Variants in ADCYAP1R1 observed in about 807,000 individuals in gnomAD.
ADCYAP1R1 encodes the protein pituitary adenylate cyclase-activating polypeptide type I receptor.
ADCYAP1R1 carries 44 observed loss-of-function variants against 67.6 expected under a neutral mutation model. The observed-to-expected ratio is 0.65, with a 90% CI of 0.51 to 0.84. The LOEUF is 0.84. Ranked by LOEUF, ADCYAP1R1 falls within the 40% of genes least tolerant of loss-of-function variation. The pLI is 0.00. For synonymous variants in ADCYAP1R1, 222 were observed against 219.6 expected, an observed-to-expected ratio of 1.01 and a Z score of -0.10; for missense variants, 477 against 587.9, an observed-to-expected ratio of 0.81 and a Z score of 1.95.
intron 13 of ADCYAP1R1, among the ~76,000 whole-genome samples, chr7:31,097,565 A>T (rs1262936753): frequency 6.6e-6 from 1 of 151,896 alleles, no homozygotes; most frequent in Non-Finnish European, 1.5e-5. Flanking sequence ...GCCCTCCCTG[A>T]CCCCCATCAG....
chr7:31,086,398 C>T lies in ADCYAP1R1; in HGVS notation c.684C>T (p.Ala228=), dbSNP rs746633319. Reference sequence around the variant, plus strand: ...TCTCCCTGCAGGTGGAATGTAAGGCCGTCATGGTTTTCTTCCACTACTGTG... The same window carrying T: ...TCTCCCTGCAGGTGGAATGTAAGGCTGTCATGGTTTTCTTCCACTACTGTG... ...HCFISTVECK[A]VMVFFHYCVV... is the part of the protein sequence containing the mutation. The change falls in exon 10 of 16, where the codon GCC becomes GCT. Residue 228 remains alanine, a synonymous_variant. Transcript: ENST00000304166. The surrounding 1 kb of genome is among the most constrained non-coding windows in gnomAD (Gnocchi z 5.0). 8.7e-6 allele frequency: 14 copies of T among 1,614,084 alleles called. No homozygotes were observed. Among genetic ancestry groups the T allele is most frequent in the Middle Eastern group, 1.7e-4 (1 of 6,014 alleles).
At position 31,077,805 on chromosome 7, in the gene ADCYAP1R1, TGTG is replaced by T. The variant is rs368731400; in HGVS notation, c.158-185_158-183del. Among the ~76,000 whole-genome samples, 393 of 147,672 alleles carry T rather than the reference TGTG, an allele frequency of 2.7e-3. 5 individuals are homozygous for T. The highest frequency in any genetic ancestry group is 9.3e-3 in the African/African-American group (359 of 38,476). On this transcript the variant is annotated intron_variant, in intron 3 of 15. Coordinates refer to ENST00000304166, the MANE Select transcript of ADCYAP1R1 (RefSeq NM_001118.5). ...TGTGTGTGATGTGTGCGGTGTCTGT[TGTG>T]TGGTGTGTGTGTGATGTGTGTTTGT...
At chr7:31,079,303 TTGGGGC>T (rs982018596) in intron 4 of ADCYAP1R1, among the ~76,000 whole-genome samples, 7 of 152,106 alleles carry the variant, frequency 4.6e-5, no homozygotes, top group African/African-American at 1.7e-4. Context: ...AGGCACTGAG[TTGGGGC>T]TGGGCAGGGA....
rs1356477943 is a variant in ADCYAP1R1, at chr7:31,100,468, TCTG to T, written c.1047-2758_1047-2756del. Among the ~76,000 whole-genome samples the T allele has an allele frequency of 4.6e-5, 7 of 152,218 alleles. No homozygotes were observed. The East Asian group carries it at 9.7e-4, about 21-fold the overall frequency. ...CTGAGGAAGCAGCACCCCCATGTTC[TCTG>T]CTGCTGCTGCCTGGTGTGTGGCCTT... On this transcript the variant is annotated intron_variant, in intron 13 of 15. Coordinates refer to ENST00000304166, the MANE Select transcript of ADCYAP1R1 (RefSeq NM_001118.5).
At chr7:31,082,936 A>G (rs1393418054) in intron 6 of ADCYAP1R1, among the ~76,000 whole-genome samples, 5 of 152,262 alleles carry the variant, frequency 3.3e-5, no homozygotes, top group Admixed American at 2.6e-4. Context: ...CGAGGGACAC[A>G]GATTGGAAAA....
At position 31,104,802 on chromosome 7, in the gene ADCYAP1R1, A is replaced by G. The variant is rs377344039; in HGVS notation, c.1177-66A>G. Reference sequence around the variant, plus strand: ...TCTGCTTCCTAGAGTCATCCCCTCCATGCCCCACACAGCATTTCAGAAAGT... The same window carrying G: ...TCTGCTTCCTAGAGTCATCCCCTCCGTGCCCCACACAGCATTTCAGAAAGT... On this transcript the variant is annotated intron_variant, in intron 14 of 15. Transcript: ENST00000304166. 374 of 1,567,650 alleles carry G rather than the reference A, an allele frequency of 2.4e-4. 1 individual carries two copies. The Middle Eastern group carries it at 3.8e-3, about 16-fold the overall frequency.
chr7:31,063,575 A>G (rs1053542343), intron 2 of ADCYAP1R1, among the ~76,000 whole-genome samples: 1 of 152,142 alleles, frequency 6.6e-6, no homozygotes, highest in Non-Finnish European at 1.5e-5. Context: ...ACAGTACACA[A>G]CCTGCTCAAC....
chr7:31,057,285 C>A (rs1046962551), intron 1 of ADCYAP1R1, among the ~76,000 whole-genome samples: 4 of 152,128 alleles, frequency 2.6e-5, no homozygotes, highest in African/African-American at 9.7e-5. Context: ...GGGGTGCACT[C>A]CCTGACTCCT....
At chr7:31,084,905 C>G (rs989553531) in intron 8 of ADCYAP1R1, 71 bp downstream of exon 8, 4 of 1,350,342 alleles carry the variant, frequency 3.0e-6, no homozygotes, top group Non-Finnish European at 2.1e-6. Flanking sequence ...GTGCATCTCT[C>G]CCCTCCCCCC....
At position 31,106,750 on chromosome 7, in the gene ADCYAP1R1, C is replaced by T. The variant is rs1042362517; in HGVS notation, c.*66C>T. ...GGGACCGCAGGCAGGTGCCAGCCCA[C>T]GCATGTTTGCGCCTCTTCCCTCCCC... On this transcript the variant is annotated 3_prime_UTR_variant, in exon 16 of 16. Coordinates refer to ENST00000304166, the MANE Select transcript of ADCYAP1R1 (RefSeq NM_001118.5). The T allele has an allele frequency of 1.9e-5, 28 of 1,476,438 alleles. No individual in the cohort carries two copies. Among genetic ancestry groups the T allele is most frequent in the Middle Eastern group, 2.1e-4 (1 of 4,656 alleles). 91.5% of individuals were successfully genotyped at this position (1,476,438 alleles called of 1,614,324 possible).
chr7:31,103,069 C>T (rs1398927517), intron 13 of ADCYAP1R1, among the ~76,000 whole-genome samples, 168 bp from the exon 14 acceptor site: 1 of 152,174 alleles, frequency 6.6e-6, no homozygotes, highest in African/African-American at 2.4e-5. Flanking sequence ...ATCCCAGAGT[C>T]CTGGCAGCCC....
chr7:31,104,745 G>A (rs765781998), intron 14 of ADCYAP1R1, 123 bp from the exon 15 acceptor site: 8 of 1,092,088 alleles, frequency 7.3e-6, no homozygotes, highest in African/African-American at 1.5e-5. Context: ...CAGATCCCTG[G>A]GCAGGTGCCC....
intron 13 of ADCYAP1R1, among the ~76,000 whole-genome samples, chr7:31,098,308 CTTAT>C (rs1796290547): frequency 6.6e-6 from 1 of 152,188 alleles, no homozygotes; most frequent in African/African-American, 2.4e-5. Flanking sequence ...GAAAAACATA[CTTAT>C]TTGAGTCTGT....
At chr7:31,063,928 A>G (rs1220592403) in intron 2 of ADCYAP1R1, among the ~76,000 whole-genome samples, 1 of 152,210 alleles carries the variant, frequency 6.6e-6, no homozygotes, top group Non-Finnish European at 1.5e-5. Context: ...GTCCCCAAAA[A>G]TGGCCCTTGG....
chr7:31,092,056 G>A (rs1795983166), intron 12 of ADCYAP1R1, among the ~76,000 whole-genome samples: 1 of 149,682 alleles, frequency 6.7e-6, no homozygotes, highest in Admixed American at 6.7e-5. Context: ...AGACATTGAT[G>A]TGTAGTCCTG....
chr7:31,088,972 C>A (rs1451356799), intron 12 of ADCYAP1R1, among the ~76,000 whole-genome samples: 1 of 152,152 alleles, frequency 6.6e-6, no homozygotes, highest in Non-Finnish European at 1.5e-5. Flanking sequence ...AAGATTGAGT[C>A]ATCCTCTCCA....
At chr7:31,084,498 C>T (rs1260035028) in intron 7 of ADCYAP1R1, among the ~76,000 whole-genome samples, 1 of 152,214 alleles carries the variant, frequency 6.6e-6, no homozygotes, top group South Asian at 2.1e-4. Flanking sequence ...GATTGGACAG[C>T]GCTCTTGCCT....
At chr7:31,073,417 C>T (rs1264819954) in intron 3 of ADCYAP1R1, among the ~76,000 whole-genome samples, 1 of 152,152 alleles carries the variant, frequency 6.6e-6, no homozygotes, top group Non-Finnish European at 1.5e-5. Context: ...TGAAATCTTC[C>T]AGTCTCAACA....
chr7:31,075,841 A>G (rs1321277289), intron 3 of ADCYAP1R1, among the ~76,000 whole-genome samples: 1 of 152,080 alleles, frequency 6.6e-6, no homozygotes, highest in Admixed American at 6.6e-5. Context: ...GAGCCTCTTC[A>G]CTGAGTAGGG....
Sources: allele counts gnomAD v4.1 joint callset (sites outside exome capture counted in the v4.1 genomes callset), GRCh38; gene constraint gnomAD v4.1.1; non-coding constraint Gnocchi (gnomAD v3.1); transcripts MANE v1.5; gene names NCBI Gene and HGNC (gene_info 2026-07-23, HGNC 2026-07-21).